Variants in CTNNBL1 observed in about 807,000 individuals in gnomAD.
CTNNBL1 encodes the protein catenin beta like 1, also known as beta-catenin-like protein 1.
In CTNNBL1, 31 loss-of-function variants were observed where a neutral mutation model predicts 72.7. That is an observed-to-expected ratio of 0.43 (90% confidence interval 0.32 to 0.58). The LOEUF (loss-of-function observed/expected upper bound fraction) is 0.58. Ranked by LOEUF, CTNNBL1 falls within the 20% of genes least tolerant of loss-of-function variation. CTNNBL1 has a pLI of 0.08. For synonymous variants in CTNNBL1, 240 were observed against 267.3 expected (o/e 0.90, Z 1.00); for missense variants, 534 against 725.1 (o/e 0.74, Z 3.03).
intron 11 of CTNNBL1, among the ~76,000 whole-genome samples, chr20:37,835,732 T>C (rs2072247879): frequency 6.6e-6 from 1 of 152,150 alleles, no homozygotes; most frequent in African/African-American, 2.4e-5. Context: ...AAGAATAAAA[T>C]AACGCAAAAC....
At chr20:37,706,568 G>A (rs1327041944) in intron 1 of CTNNBL1, among the ~76,000 whole-genome samples, 8 of 152,274 alleles carry the variant, frequency 5.3e-5, no homozygotes, top group East Asian at 3.9e-4. Flanking sequence ...GCTCTGCTTC[G>A]AATTCTAGTT....
chr20:37,818,930 G>C (rs2072082492), intron 11 of CTNNBL1, among the ~76,000 whole-genome samples: 1 of 152,134 alleles, frequency 6.6e-6, no homozygotes, highest in Admixed American at 6.5e-5. Flanking sequence ...CATATGTCAA[G>C]TTTTCTTTCT....
intron 13 of CTNNBL1, among the ~76,000 whole-genome samples, chr20:37,859,227 C>T (rs376943012): frequency 1.1e-4 from 16 of 151,958 alleles, no homozygotes; most frequent in Middle Eastern, 3.4e-3. Context: ...CGTGGTGGCA[C>T]GTGCCTGTAA....
intron 1 of CTNNBL1, among the ~76,000 whole-genome samples, chr20:37,707,516 CTT>C (rs1455052834): frequency 6.6e-6 from 1 of 152,214 alleles, no homozygotes; most frequent in Non-Finnish European, 1.5e-5. Context: ...CCTCACCTCT[CTT>C]AGCCTTCATA....
In CTNNBL1 at chr20:37,803,032, T is replaced by C. The variant is rs1206242966; in HGVS notation, c.1197T>C (p.Thr399=). The C allele has an allele frequency of 1.2e-6, 2 of 1,613,894 alleles. No homozygotes were observed. Among genetic ancestry groups the C allele is most frequent in the Non-Finnish European group, 1.7e-6 (2 of 1,179,968 alleles). Residue 399 remains threonine (T), a synonymous_variant, in exon 11 of 16, where the codon ACT becomes ACC. Transcript: ENST00000361383. ...SPRKIKKVGT[T]EKEHEEHVCS... is the part of the protein sequence containing the mutation. ...GGAAGATCAAGAAAGTGGGAACCAC[T>C]GAGAAGGAACATGAAGGTAGGGTTC...
intron 2 of CTNNBL1, among the ~76,000 whole-genome samples, chr20:37,733,598 C>T (rs972952032): frequency 8.5e-5 from 13 of 152,146 alleles, no homozygotes. Flanking sequence ...GACCTTTGGA[C>T]TTCTGTGTCC....
At chr20:37,850,270 G>A (rs1444016558) in intron 13 of CTNNBL1, among the ~76,000 whole-genome samples, 1 of 152,124 alleles carries the variant, frequency 6.6e-6, no homozygotes, top group Non-Finnish European at 1.5e-5. Flanking sequence ...CATCACACTT[G>A]TGATGGCAGC....
chr20:37,783,465 G>C (rs1455469682), intron 10 of CTNNBL1, among the ~76,000 whole-genome samples: 8 of 151,966 alleles, frequency 5.3e-5, no homozygotes, highest in Non-Finnish European at 1.2e-4. Context: ...TTGTGTATTT[G>C]AAGTTTTTCT....
intron 11 of CTNNBL1, among the ~76,000 whole-genome samples, chr20:37,819,872 C>CTTTTTT (rs368562087): frequency 1.6e-5 from 2 of 121,222 alleles, no homozygotes; most frequent in Non-Finnish European, 1.7e-5. Context: ...CTTTTAATAT[C>CTTTTTT]TTTTTTTTTT....
chr20:37,827,206 C>A (rs965296192), intron 11 of CTNNBL1, among the ~76,000 whole-genome samples: 1 of 152,174 alleles, frequency 6.6e-6, no homozygotes, highest in Non-Finnish European at 1.5e-5. Flanking sequence ...GGGTAGTATT[C>A]CAGTGTGTGG....
chr20:37,733,387 C>T (rs529761608), intron 2 of CTNNBL1, among the ~76,000 whole-genome samples: 6 of 152,218 alleles, frequency 3.9e-5, no homozygotes, highest in Non-Finnish European at 8.8e-5. Flanking sequence ...GGTCAAATTT[C>T]ACCAAGTGGA....
At position 37,870,676 on chromosome 20, in the gene CTNNBL1, C is replaced by G. The variant is rs796941348; in HGVS notation, c.1604-1249C>G. Among the ~76,000 whole-genome samples the G allele has an allele frequency of 2.6e-5, 4 of 152,174 alleles. No homozygotes were observed. In the South Asian group the frequency reaches 8.3e-4, roughly 31 times the overall value. ...TGCTTCCCCCATGGTGTCCCCCACA[C>G]AGCATTGAGAGGGATCTGGCAAAAG... On this transcript the variant is annotated intron_variant, in intron 15 of 15. Coordinates refer to ENST00000361383, the MANE Select transcript of CTNNBL1 (RefSeq NM_030877.5).
chr20:37,724,908 C>CTTTTTTTT (rs748038781), intron 1 of CTNNBL1, among the ~76,000 whole-genome samples: 2 of 122,384 alleles, frequency 1.6e-5, no homozygotes, highest in Admixed American at 8.3e-5. Flanking sequence ...TCCTGTCAAT[C>CTTTTTTTT]TTTTTTTTTT....
intron 5 of CTNNBL1, among the ~76,000 whole-genome samples, chr20:37,759,874 G>T (rs1446956146): frequency 6.6e-6 from 1 of 152,214 alleles, no homozygotes; most frequent in Non-Finnish European, 1.5e-5. Flanking sequence ...GGGTTGAGTT[G>T]TCTTTGTAGT....
rs1052358436 is a variant in CTNNBL1, at chr20:37,863,468, G to A, written c.1603+3124G>A. ...AGTGTGCTGAGGGAGGGAGTGGCAC[G>A]GAGGCAGTTATGTAAGCAGGGAGGG... On this transcript the variant is annotated intron_variant, in intron 15 of 15. Transcript: ENST00000361383. Among the ~76,000 whole-genome samples the A allele has an allele frequency of 7.2e-5, 11 of 152,188 alleles. No individual in the cohort carries two copies. In the South Asian group the frequency reaches 1.0e-3, roughly 14 times the overall value.
At chr20:37,777,215 C>T (rs139994999) in intron 7 of CTNNBL1, 130 bp from the exon 8 acceptor site, 3 of 691,858 alleles carry the variant, frequency 4.3e-6, no homozygotes, top group Non-Finnish European at 7.6e-6. Context: ...ACGTTTTTAC[C>T]CTTAACTGCC....
intron 4 of CTNNBL1, among the ~76,000 whole-genome samples, chr20:37,746,921 C>G (rs953369061): frequency 6.6e-6 from 1 of 152,220 alleles, no homozygotes; most frequent in Non-Finnish European, 1.5e-5. Flanking sequence ...TGGAAGGCCC[C>G]TTATGGGGGC....
intron 7 of CTNNBL1, among the ~76,000 whole-genome samples, chr20:37,774,574 T>TA (rs1473635778): frequency 1.3e-5 from 2 of 152,260 alleles, no homozygotes; most frequent in Admixed American, 1.3e-4. Flanking sequence ...TTTAAAAACT[T>TA]ACTTTGGTTA....
At chr20:37,746,379 G>T in intron 3 of CTNNBL1, 89 bp from the exon 4 acceptor site, 1 of 1,415,818 alleles carries the variant, frequency 7.1e-7, no homozygotes, top group Non-Finnish European at 9.8e-7. Context: ...CACTTTGACA[G>T]ATTGCCTTGT....
Sources: allele counts gnomAD v4.1 joint callset (sites outside exome capture counted in the v4.1 genomes callset), GRCh38; gene constraint gnomAD v4.1.1; transcripts MANE v1.5; gene names NCBI Gene and HGNC (gene_info 2026-07-23, HGNC 2026-07-21).